CYB5B: variants seen among roughly 807,000 people sequenced by gnomAD.
CYB5B encodes cytochrome b5 type B (outer mitochondrial membrane).
A neutral mutation model predicts 21.3 loss-of-function variants in CYB5B; 14 were observed. The ratio of observed to expected loss-of-function variants is 0.66; its 90% CI spans 0.43 to 1.03. CYB5B has a LOEUF of 1.03. Among genes scored for constraint, CYB5B ranks in the 50% least tolerant of loss-of-function variants. The pLI is 0.00. For synonymous variants in CYB5B, 69 were observed against 68.4 expected (o/e 1.01, Z -0.04); for missense variants, 166 against 185.1 (o/e 0.90, Z 0.60).
In CYB5B at chr16:69,454,437, T is replaced by G. The variant is rs566307386; in HGVS notation, c.334-4656T>G. On this transcript the variant is annotated intron_variant, in intron 3 of 4. Transcript: ENST00000307892. ...TCCATACCACATGACTGTGTCATAGTTGGGACTGTAAAATGCTGAAATCAT... is the reference window on the plus strand; with the variant it reads ...TCCATACCACATGACTGTGTCATAGGTGGGACTGTAAAATGCTGAAATCAT... Among the ~76,000 whole-genome samples the G allele has an allele frequency of 1.4e-4, 21 of 152,334 alleles. 1 individual carries two copies. The highest frequency in any genetic ancestry group is 1.2e-3 in the Admixed American group (18 of 15,306).
intron 1 of CYB5B, among the ~76,000 whole-genome samples, chr16:69,446,902 G>A (rs1372131648): frequency 6.6e-6 from 1 of 152,116 alleles, no homozygotes; most frequent in African/African-American, 2.4e-5. Context: ...GAAAGATTTT[G>A]TAGAATATTT....
chr16:69,447,468 C>T (rs1317952660), intron 2 of CYB5B, among the ~76,000 whole-genome samples, 190 bp downstream of exon 2: 1 of 151,892 alleles, frequency 6.6e-6, no homozygotes, highest in Non-Finnish European at 1.5e-5. Context: ...ATGGTGAAAC[C>T]CCACCTCTAC....
At chr16:69,451,598 G>C (rs1374436920) in intron 3 of CYB5B, among the ~76,000 whole-genome samples, 1 of 151,652 alleles carries the variant, frequency 6.6e-6, no homozygotes, top group East Asian at 1.9e-4. Context: ...TTTTTTTTGA[G>C]TGAGTATTAT....
At chr16:69,441,843 A>G (rs1231401046) in intron 1 of CYB5B, among the ~76,000 whole-genome samples, 2 of 152,210 alleles carry the variant, frequency 1.3e-5, no homozygotes, top group Admixed American at 1.3e-4. Flanking sequence ...AAAGTTCCCT[A>G]GATGGGAAAT....
In CYB5B at chr16:69,424,668, G is replaced by C. The variant is rs533345846; in HGVS notation, c.-16G>C. 89 of 1,526,258 alleles carry C rather than the reference G, an allele frequency of 5.8e-5. No homozygotes were observed. In the East Asian group the frequency reaches 2.1e-3, roughly 36 times the overall value. 94.5% of individuals were successfully genotyped at this position (1,526,258 alleles called of 1,614,324 possible). Reference sequence around the variant, plus strand: ...GAAAGTAGTCGCGGAATCTCAGTTAGCGGTGGAGAGGCAGTATGTCCGGTT... The same window carrying C: ...GAAAGTAGTCGCGGAATCTCAGTTACCGGTGGAGAGGCAGTATGTCCGGTT... On this transcript the variant is annotated 5_prime_UTR_variant, in exon 1 of 5. Transcript: ENST00000307892.
At chr16:69,433,156 G>C (rs752606766) in intron 1 of CYB5B, among the ~76,000 whole-genome samples, 41 of 152,222 alleles carry the variant, frequency 2.7e-4, no homozygotes, top group Non-Finnish European at 4.9e-4. Flanking sequence ...CATGGCTGCA[G>C]AGTATGGAAT....
chr16:69,445,785 C>T (rs1347994161), intron 1 of CYB5B, among the ~76,000 whole-genome samples: 1 of 151,858 alleles, frequency 6.6e-6, no homozygotes, highest in African/African-American at 2.4e-5. Flanking sequence ...AGAAAAACCC[C>T]GTCTCTATTA....
At chr16:69,456,743 G>T (rs2142826741) in intron 3 of CYB5B, among the ~76,000 whole-genome samples, 1 of 152,280 alleles carries the variant, frequency 6.6e-6, no homozygotes, top group Admixed American at 6.5e-5. Flanking sequence ...CTTTAGTCTA[G>T]TGCTTAGCTG....
chr16:69,426,380 C>T (rs1597277766), intron 1 of CYB5B, among the ~76,000 whole-genome samples: 2 of 147,204 alleles, frequency 1.4e-5, no homozygotes, highest in East Asian at 2.0e-4. Context: ...GCCTGGGGGA[C>T]CCAGCGAGAT....
intron 1 of CYB5B, among the ~76,000 whole-genome samples, chr16:69,435,507 A>T (rs2014751238): frequency 6.6e-6 from 1 of 152,194 alleles, no homozygotes; most frequent in Admixed American, 6.5e-5. Flanking sequence ...TCTATTTGGT[A>T]CAATCCCAGG....
At chr16:69,426,699 CAAAAA>C (rs11434223) in intron 1 of CYB5B, among the ~76,000 whole-genome samples, 4 of 95,614 alleles carry the variant, frequency 4.2e-5, no homozygotes, top group African/African-American at 8.4e-5. Flanking sequence ...AGCGAGACTC[CAAAAA>C]AAAAAAAAAA....
At position 69,463,676 on chromosome 16, in the gene CYB5B, A is replaced by T. The variant is rs1323153323; in HGVS notation, c.*1156A>T. ...CCCGCAGTAAAGTAACTTCCATATA[A>T]AATGGTATTTGAAAGTGAGAGTTCA... On this transcript the variant is annotated 3_prime_UTR_variant, in exon 5 of 5. Coordinates refer to ENST00000307892, the MANE Select transcript of CYB5B (RefSeq NM_030579.3). 3 of 152,130 alleles carry T rather than the reference A, an allele frequency of 2.0e-5. No individual in the cohort carries two copies. In the East Asian group the frequency reaches 5.8e-4, roughly 29 times the overall value. The allele number at this position is 152,130 out of a possible 1,614,324, so 9.4% of individuals were successfully genotyped here.
chr16:69,443,867 CAAACA>C, intron 1 of CYB5B: 1 of 155,928 alleles, frequency 6.4e-6, no homozygotes, highest in Non-Finnish European at 1.4e-5. Flanking sequence ...AACAAACAAA[CAAACA>C]AACAACAACA....
chr16:69,457,204 G>A (rs1037889048), intron 3 of CYB5B, among the ~76,000 whole-genome samples: 1 of 152,094 alleles, frequency 6.6e-6, no homozygotes, highest in Non-Finnish European at 1.5e-5. Context: ...TTCTTCTTCA[G>A]TTGCTTATTA....
chr16:69,442,656 C>T (rs2014836102), intron 1 of CYB5B, among the ~76,000 whole-genome samples: 1 of 151,860 alleles, frequency 6.6e-6, no homozygotes, highest in Non-Finnish European at 1.5e-5. Context: ...GCCAGGACTA[C>T]AGGCCACCAT....
rs1597277159 is a variant in CYB5B, at chr16:69,424,844, G to A, written c.161G>A (p.Arg54His). The change falls in exon 1 of 5, where the codon CGC (arginine) becomes CAC (histidine). Residue 54 changes from arginine (R) to histidine (H), a missense_variant. Physicochemically the swap from Arg to His is conservative, Grantham distance 29. Transcript: ENST00000307892. ...VIHGRVYDVT[R>H]FLNEHPGGEE... ...CATGGGCGAGTCTACGATGTCACCC[G>A]CTTCCTCAACGAGGTGGGGCCTGGG... 2 of 1,581,280 alleles carry A rather than the reference G, an allele frequency of 1.3e-6. No homozygotes were observed. The highest frequency in any genetic ancestry group is 8.6e-7 in the Non-Finnish European group (1 of 1,163,682).
At chr16:69,457,738 T>C (rs2014996264) in intron 3 of CYB5B, among the ~76,000 whole-genome samples, 1 of 152,244 alleles carries the variant, frequency 6.6e-6, no homozygotes, top group Non-Finnish European at 1.5e-5. Flanking sequence ...AGTATGTTAA[T>C]ATGGTTTCTT....
intron 3 of CYB5B, among the ~76,000 whole-genome samples, chr16:69,458,253 C>T (rs1487918995): frequency 6.6e-6 from 1 of 152,102 alleles, no homozygotes; most frequent in African/African-American, 2.4e-5. Context: ...TTCCTCACTC[C>T]AAGAAGAAAC....
At position 69,424,654 on chromosome 16, in the gene CYB5B, C is replaced by G; in HGVS notation, c.-30C>G. 1 of 1,505,554 alleles carries G rather than the reference C, an allele frequency of 6.6e-7. No homozygotes were observed. 93.3% of individuals were successfully genotyped at this position (1,505,554 alleles called of 1,614,324 possible). ...CGCGGGCTCTCAAGGAAAGTAGTCG[C>G]GGAATCTCAGTTAGCGGTGGAGAGG... On this transcript the variant is annotated 5_prime_UTR_variant, in exon 1 of 5. Coordinates refer to ENST00000307892, the MANE Select transcript of CYB5B (RefSeq NM_030579.3).
Sources: allele counts gnomAD v4.1 joint callset (sites outside exome capture counted in the v4.1 genomes callset), GRCh38; gene constraint gnomAD v4.1.1; transcripts MANE v1.5; gene names NCBI Gene and HGNC (gene_info 2026-07-23, HGNC 2026-07-21).